The following MEIOSIN variants were observed in gnomAD, a reference collection of about 807,000 sequenced individuals.
MEIOSIN encodes the protein meiosis initiator, also known as meiosis initiator protein.
Under a neutral mutation model 23.4 loss-of-function variants are expected in MEIOSIN, and 18 were observed. The ratio of observed to expected loss-of-function variants is 0.77; its 90% CI spans 0.53 to 1.14. The LOEUF (loss-of-function observed/expected upper bound fraction) is 1.14. Among genes scored for constraint, MEIOSIN ranks in the 50% most tolerant of loss-of-function variants. MEIOSIN has a pLI of 0.00. For missense variants in MEIOSIN, 428 were observed against 242.9 expected (o/e 1.76, Z -5.07); for synonymous variants, 187 against 100.6 (o/e 1.86, Z -5.14).
At chr19:45,758,362 AT>A (rs1200509727) in intron 9 of MEIOSIN, among the ~76,000 whole-genome samples, 2 of 151,498 alleles carry the variant, frequency 1.3e-5, no homozygotes, top group African/African-American at 2.4e-5. Flanking sequence ...ACATTATGAT[AT>A]TGATTTTTCT....
chr19:45,741,897 GC>G (rs1381361599), intron 3 of MEIOSIN, among the ~76,000 whole-genome samples: 2 of 151,818 alleles, frequency 1.3e-5, no homozygotes, highest in African/African-American at 4.8e-5. Flanking sequence ...TTGAGACGGA[GC>G]TTTTGCTCTT....
At chr19:45,761,638 A>T in intron 11 of MEIOSIN, 41 bp from the exon 12 acceptor site, 2 of 689,564 alleles carry the variant, frequency 2.9e-6, no homozygotes, top group Non-Finnish European at 5.3e-6. Context: ...AAGGGGCACC[A>T]CTTGTCTCCC....
chr19:45,760,795 G>T (rs913670701), intron 11 of MEIOSIN, among the ~76,000 whole-genome samples: 9 of 151,906 alleles, frequency 5.9e-5, no homozygotes, highest in Non-Finnish European at 1.3e-4. Flanking sequence ...GGGCGTGGTG[G>T]TGGGCACTTG....
chr19:45,760,893 C>T (rs1968924123), intron 11 of MEIOSIN, among the ~76,000 whole-genome samples: 1 of 144,160 alleles, frequency 6.9e-6, no homozygotes, highest in African/African-American at 2.6e-5. Flanking sequence ...CATTGCACTC[C>T]AGCCTGAGGG....
At chr19:45,753,245 T>C (rs1471365225) in intron 5 of MEIOSIN, among the ~76,000 whole-genome samples, 2 of 152,098 alleles carry the variant, frequency 1.3e-5, no homozygotes, top group African/African-American at 4.8e-5. Flanking sequence ...TGAGTAAACC[T>C]AGAAGATGTT....
chr19:45,757,593 T>A (rs1000172350), intron 9 of MEIOSIN, among the ~76,000 whole-genome samples: 1 of 152,222 alleles, frequency 6.6e-6, no homozygotes, highest in Non-Finnish European at 1.5e-5. Context: ...CAGTCTCAGC[T>A]CACTTCAACC....
Position 45,756,057 on chromosome 19 carries a change from A to G in MEIOSIN, c.890A>G (p.Asn297Ser). 1 of 702,866 alleles carries G rather than the reference A, an allele frequency of 1.4e-6. No individual in the cohort carries two copies. Among genetic ancestry groups the G allele is most frequent in the South Asian group, 1.5e-5 (1 of 67,580 alleles). 43.5% of individuals were successfully genotyped at this position (702,866 alleles called of 1,614,324 possible). Residue 297 changes from asparagine (N) to serine (S), a missense_variant, in exon 8 of 15, where the codon AAC (asparagine) becomes AGC (serine). Physicochemically the swap from Asn to Ser is conservative, Grantham distance 46. Transcript: ENST00000457052. Reference protein sequence around the residue: ...QEDVARIHFLNKTQPHPRQKL... With the variant: ...QEDVARIHFLSKTQPHPRQKL... ...GATGTGGCGAGGATCCATTTTCTCA[A>G]CAAGACCCAGCCCCATCCCAGGTAA...
Position 45,745,201 on chromosome 19 carries a change from G to C in MEIOSIN, c.186G>C (p.Arg62Ser), listed in dbSNP as rs1410208917. 2 of 702,860 alleles carry C rather than the reference G, an allele frequency of 2.8e-6. No homozygotes were observed. The highest frequency in any genetic ancestry group is 5.2e-6 in the Non-Finnish European group (2 of 384,992). The allele number at this position is 702,860 out of a possible 1,614,324, so 43.5% of individuals were successfully genotyped here. Residue 62 changes from arginine to serine, a missense_variant, in exon 4 of 15, where the codon AGG becomes AGC. By Grantham distance (110) the Arg-to-Ser change is moderately radical. Transcript: ENST00000457052. ...WLLKGKLRNQ[R>S]NQNKLLSPNK... Reference sequence around the variant, plus strand: ...TCCTGTCCCCAAACAGGAATCAGAGGAACCAAAACAAGCTCCTGTCCCCAA... The same window carrying C: ...TCCTGTCCCCAAACAGGAATCAGAGCAACCAAAACAAGCTCCTGTCCCCAA...
intron 4 of MEIOSIN, 131 bp downstream of exon 4, chr19:45,745,452 C>CCTG: frequency 3.4e-6 from 2 of 589,428 alleles, no homozygotes; most frequent in Non-Finnish European, 6.0e-6. Context: ...TGGTGCTACT[C>CCTG]TGAACGGGAA....
intron 3 of MEIOSIN, among the ~76,000 whole-genome samples, chr19:45,743,098 C>T (rs1968534943): frequency 6.6e-6 from 1 of 152,138 alleles, no homozygotes; most frequent in South Asian, 2.1e-4. Flanking sequence ...TGTACTTCTT[C>T]AGGACTACTG....
At chr19:45,751,145 G>A (rs1426785198) in intron 5 of MEIOSIN, among the ~76,000 whole-genome samples, 3 of 151,988 alleles carry the variant, frequency 2.0e-5, no homozygotes, top group East Asian at 3.9e-4. Context: ...GGTGGCTGGC[G>A]CCTGTAATCC....
At chr19:45,758,530 G>A (rs773728071) in intron 9 of MEIOSIN, among the ~76,000 whole-genome samples, 1 of 151,974 alleles carries the variant, frequency 6.6e-6, no homozygotes. Flanking sequence ...CTGGGTTCAA[G>A]CGATTCTCCT....
intron 3 of MEIOSIN, among the ~76,000 whole-genome samples, chr19:45,742,852 C>A (rs142158849): frequency 2.6e-5 from 4 of 152,040 alleles, no homozygotes; most frequent in Non-Finnish European, 4.4e-5. Flanking sequence ...ACAGAACATT[C>A]CAAACAGAGA....
intron 4 of MEIOSIN, among the ~76,000 whole-genome samples, chr19:45,750,011 A>G (rs537789161): frequency 4.6e-5 from 7 of 150,692 alleles, no homozygotes; most frequent in African/African-American, 1.5e-4. Context: ...CTCAAAAAAA[A>G]AAAAAAAGAA....
In MEIOSIN at chr19:45,757,224, C is replaced by T; in HGVS notation, c.959C>T (p.Ser320Phe). ...YDSSEDVDKG[S>F]LDADPWLPAW... ...TCCAGCGAGGATGTGGACAAAGGGTCCCTAGACGCTGACCCTTGGCTCCCT... is the reference window on the plus strand; with the variant it reads ...TCCAGCGAGGATGTGGACAAAGGGTTCCTAGACGCTGACCCTTGGCTCCCT... The change falls in exon 9 of 15, where the codon TCC (serine) becomes TTC (phenylalanine). Residue 320 changes from serine (S) to phenylalanine (F), a missense_variant. Ser to Phe is a radical substitution (Grantham distance 155). Coordinates refer to ENST00000457052, the MANE Select transcript of MEIOSIN (RefSeq NM_001310124.2). The T allele has an allele frequency of 4.3e-6, 3 of 703,014 alleles. No individual in the cohort carries two copies. The highest frequency in any genetic ancestry group is 5.2e-6 in the Non-Finnish European group (2 of 384,990). 43.5% of individuals were successfully genotyped at this position (703,014 alleles called of 1,614,324 possible).
chr19:45,756,914 G>A (rs1968841512), intron 8 of MEIOSIN, among the ~76,000 whole-genome samples: 1 of 152,110 alleles, frequency 6.6e-6, no homozygotes, highest in Non-Finnish European at 1.5e-5. Flanking sequence ...GCTTCCCTGT[G>A]CCCCTGGAAA....
Position 45,764,313 on chromosome 19 carries a change from C to A in MEIOSIN, c.*195C>A, listed in dbSNP as rs1969015949. On this transcript the variant is annotated 3_prime_UTR_variant, in exon 15 of 15. Transcript: ENST00000457052. ...TTGCCTGGAGCACCAGAGTCACCCACAGCTGCCTTGATTCTCCCCCAGGCT... is the reference window on the plus strand; with the variant it reads ...TTGCCTGGAGCACCAGAGTCACCCAAAGCTGCCTTGATTCTCCCCCAGGCT... The A allele has an allele frequency of 2.5e-6, 1 of 394,732 alleles. No homozygotes were observed. Among genetic ancestry groups the A allele is most frequent in the African/African-American group, 2.1e-5 (1 of 48,578 alleles). 24.5% of individuals were successfully genotyped at this position (394,732 alleles called of 1,614,324 possible). A position where few individuals can be genotyped will look rare whatever the true frequency, so the allele number is the denominator to read the frequency against.
intron 3 of MEIOSIN, 60 bp from the exon 4 acceptor site, chr19:45,745,132 G>A (rs1968568743): frequency 1.4e-6 from 1 of 701,082 alleles, no homozygotes; most frequent in Admixed American, 2.0e-5. Flanking sequence ...GAGGTTTGCG[G>A]GTTGGATGTG....
Position 45,754,486 on chromosome 19 carries a change from G to A in MEIOSIN, c.564G>A (p.Gln188=), listed in dbSNP as rs906596864. ...GAACCTCTGCTCCCCCAGAAAGCCA[G>A]ACTCGGACCCCGAAGCCTCGCCGCT... ...KKKLTQASES[Q]TRTPKPRRSL... The change falls in exon 7 of 15, where the codon CAG becomes CAA. Residue 188 remains glutamine, a synonymous_variant. Transcript: ENST00000457052. 2 of 702,318 alleles carry A rather than the reference G, an allele frequency of 2.8e-6. No individual in the cohort carries two copies. The highest frequency in any genetic ancestry group is 3.5e-5 in the African/African-American group (2 of 57,244). The allele number at this position is 702,318 out of a possible 1,614,324, so 43.5% of individuals were successfully genotyped here. A position where few individuals can be genotyped will look rare whatever the true frequency, so the allele number is the denominator to read the frequency against.
Sources: allele counts gnomAD v4.1 joint callset (sites outside exome capture counted in the v4.1 genomes callset), GRCh38; gene constraint gnomAD v4.1.1; transcripts MANE v1.5; gene names NCBI Gene and HGNC (gene_info 2026-07-23, HGNC 2026-07-21).